Variants in RXRA observed in about 807,000 individuals in gnomAD.
RXRA encodes retinoid X receptor alpha.
Under a neutral mutation model 44.5 loss-of-function variants are expected in RXRA, and 5 were observed. The observed-to-expected ratio is 0.11, with a 90% CI of 0.06 to 0.24. The LOEUF is 0.24. Ranked by LOEUF, RXRA falls within the 10% of genes least tolerant of loss-of-function variation. The pLI, the probability that RXRA is intolerant of heterozygous loss-of-function variation, is 1.00. For missense variants in RXRA, 412 were observed against 646.5 expected, an observed-to-expected ratio of 0.64 and a Z score of 3.93; for synonymous variants, 291 against 271.4, an observed-to-expected ratio of 1.07 and a Z score of -0.71.
In RXRA at chr9:134,407,696, C is replaced by T. The variant is rs898523228; in HGVS notation, c.280-453C>T. ...GGGGGGGTCCCCAGCCCTCCTCCGT[C>T]CTGGGAACTGGGCTTCGGCGTCCTC... On this transcript the variant is annotated intron_variant, in intron 2 of 9. Transcript: ENST00000481739. This position sits in a 1 kb window ranked among gnomAD's most constrained non-coding sequence, Gnocchi z 4.8. Among the ~76,000 whole-genome samples the T allele has an allele frequency of 6.6e-6, 1 of 152,078 alleles. No individual in the cohort carries two copies. The highest frequency in any genetic ancestry group is 1.5e-5 in the Non-Finnish European group (1 of 67,982).
intron 1 of RXRA, among the ~76,000 whole-genome samples, chr9:134,346,413 C>T (rs1246031627): frequency 3.3e-5 from 5 of 152,208 alleles, no homozygotes; most frequent in African/African-American, 9.6e-5. Flanking sequence ...CCAGGAGCCT[C>T]CCCAGACCCC....
At chr9:134,384,831 C>T (rs1282109658) in intron 1 of RXRA, among the ~76,000 whole-genome samples, 2 of 152,208 alleles carry the variant, frequency 1.3e-5, no homozygotes, top group African/African-American at 2.4e-5. Flanking sequence ...GGGGCAGTGC[C>T]CTCCTGTGGT....
chr9:134,377,332 C>T (rs992615047), intron 1 of RXRA, among the ~76,000 whole-genome samples: 1 of 152,218 alleles, frequency 6.6e-6, no homozygotes, highest in Admixed American at 6.5e-5. Context: ...GGCGTTGTCC[C>T]CATCACTGCC....
At chr9:134,351,471 C>T (rs553692183) in intron 1 of RXRA, among the ~76,000 whole-genome samples, 17 of 152,342 alleles carry the variant, frequency 1.1e-4, no homozygotes, top group South Asian at 4.1e-4. Flanking sequence ...CTAAACTCTG[C>T]GTCTTCCCAT....
At chr9:134,367,216 A>G (rs1291526911) in intron 1 of RXRA, among the ~76,000 whole-genome samples, 3 of 152,026 alleles carry the variant, frequency 2.0e-5, no homozygotes, top group Non-Finnish European at 2.9e-5. Flanking sequence ...TGACCCCACC[A>G]GCCACTCCCC....
intron 5 of RXRA, among the ~76,000 whole-genome samples, chr9:134,420,341 A>G (rs1831308565): frequency 6.6e-6 from 1 of 152,134 alleles, no homozygotes; most frequent in Non-Finnish European, 1.5e-5. Flanking sequence ...CAGATCCGGG[A>G]GCCCTGTGAG....
intron 1 of RXRA, among the ~76,000 whole-genome samples, chr9:134,336,811 C>T (rs932058798): frequency 1.3e-5 from 2 of 152,236 alleles, no homozygotes; most frequent in African/African-American, 4.8e-5. Flanking sequence ...CGGGTGAGCC[C>T]GTTCCTTGCA....
intron 5 of RXRA, among the ~76,000 whole-genome samples, chr9:134,418,241 T>G (rs1831272888): frequency 6.6e-6 from 1 of 151,956 alleles, no homozygotes; most frequent in African/African-American, 2.4e-5. Flanking sequence ...GTGCCCGGGG[T>G]TGGGCAGGTG....
intron 2 of RXRA, chr9:134,403,584 G>A (rs1186230176): frequency 2.0e-5 from 3 of 152,310 alleles, no homozygotes; most frequent in African/African-American, 7.2e-5. Context: ...CAGGGGTCTA[G>A]TGCACAGTAG....
In RXRA at chr9:134,423,624, C is replaced by G. The variant is rs368402090; in HGVS notation, c.910+1819C>G. On this transcript the variant is annotated intron_variant, in intron 6 of 9. Transcript: ENST00000481739. The stretch of plus-strand genomic sequence containing the variant: ...CATCTCAAAGTCCTTGACTTAATCC[C>G]GCTGGCCTCGTGTCTGGTGGGTCCT... 5.9e-5 allele frequency: 58 copies of G among 985,372 alleles called. No homozygotes were observed. The African/African-American group carries it at 8.4e-4, about 14-fold the overall frequency. 61.0% of individuals were successfully genotyped at this position (985,372 alleles called of 1,614,324 possible).
chr9:134,341,556 C>T (rs1053152289), intron 1 of RXRA, among the ~76,000 whole-genome samples: 4 of 152,218 alleles, frequency 2.6e-5, no homozygotes, highest in East Asian at 1.9e-4. Context: ...GATAGGCCCC[C>T]GCCCTCCAGT....
chr9:134,422,037 C>T (rs1244344148), intron 6 of RXRA: 1 of 1,425,944 alleles, frequency 7.0e-7, no homozygotes, highest in East Asian at 3.1e-5. Flanking sequence ...CCTGGATGCT[C>T]CCATCTCCCA....
intron 1 of RXRA, among the ~76,000 whole-genome samples, chr9:134,379,112 A>G (rs574144925): frequency 1.3e-5 from 2 of 151,974 alleles, no homozygotes; most frequent in East Asian, 3.9e-4. Context: ...CTGTGGGGCC[A>G]CCCGGCTCCT....
At chr9:134,400,240 C>G (rs7028673) in intron 1 of RXRA, among the ~76,000 whole-genome samples, 7,811 of 152,270 alleles carry the variant, frequency 0.051, 663 homozygotes, top group African/African-American at 0.17. Flanking sequence ...AGCCTGGCAC[C>G]CAGCGAGTGA....
intron 4 of RXRA, among the ~76,000 whole-genome samples, chr9:134,414,836 G>T (rs1245192508): frequency 6.6e-6 from 1 of 152,236 alleles, no homozygotes; most frequent in Non-Finnish European, 1.5e-5. Context: ...TGCCCCGGGG[G>T]CTGCTCAGCG....
chr9:134,421,999 C>T (rs1831341849), intron 6 of RXRA, 194 bp downstream of exon 6: 1 of 1,472,358 alleles, frequency 6.8e-7, no homozygotes. Flanking sequence ...CCGGGACACT[C>T]CCCCTTCCCG....
intron 1 of RXRA, among the ~76,000 whole-genome samples, chr9:134,381,514 C>G: frequency 6.6e-6 from 1 of 151,928 alleles, no homozygotes; most frequent in East Asian, 1.9e-4. Context: ...GCTGTAAGGG[C>G]CAGGCCCAGG....
intron 6 of RXRA, among the ~76,000 whole-genome samples, chr9:134,428,028 G>C (rs1252185731): frequency 6.6e-6 from 1 of 152,164 alleles, no homozygotes; most frequent in Non-Finnish European, 1.5e-5. Flanking sequence ...GTGATTCCAC[G>C]TCACCCGGTC....
At chr9:134,411,703 CCGAGCG>C (rs1465027789) in intron 4 of RXRA, among the ~76,000 whole-genome samples, 4 of 152,346 alleles carry the variant, frequency 2.6e-5, no homozygotes, top group African/African-American at 9.6e-5. Flanking sequence ...CAGAATGCTG[CCGAGCG>C]CTCTCGCCCC....
Sources: allele counts gnomAD v4.1 joint callset (sites outside exome capture counted in the v4.1 genomes callset), GRCh38; gene constraint gnomAD v4.1.1; non-coding constraint Gnocchi (gnomAD v3.1); transcripts MANE v1.5; gene names NCBI Gene and HGNC (gene_info 2026-07-23, HGNC 2026-07-21).